IGSF10: variants seen among roughly 807,000 people sequenced by gnomAD.
The protein encoded by IGSF10 is calvaria mechanical force protein 608.
In IGSF10, 126 loss-of-function variants were observed where a neutral mutation model predicts 128.2. That is an observed-to-expected ratio of 0.98 (90% CI 0.85 to 1.14). The LOEUF is 1.14. Among genes scored for constraint, IGSF10 ranks in the 50% most tolerant of loss-of-function variants. The probability of loss-of-function intolerance (pLI) is 0.00; values close to 1 mark genes in which losing one functional copy is unlikely to be tolerated. For missense variants in IGSF10, 3,295 were observed against 3,149.8 expected (o/e 1.05, Z -1.10); for synonymous variants, 1,185 against 1,146.2 (o/e 1.03, Z -0.68).
the IGSF10 span, among the ~76,000 whole-genome samples, chr3:151,609,830 G>T: frequency 6.6e-6 from 1 of 152,096 alleles, no homozygotes; most frequent in Non-Finnish European, 1.5e-5. Context: ...AGATGCTGGG[G>T]ACTGCTGGTG....
the IGSF10 span, among the ~76,000 whole-genome samples, chr3:151,519,682 T>A: frequency 4.6e-5 from 7 of 151,864 alleles, no homozygotes; most frequent in African/African-American, 1.7e-4. Context: ...GTGAAAGGCA[T>A]GCTAAAAAGG....
the IGSF10 span, among the ~76,000 whole-genome samples, chr3:151,597,416 A>G: frequency 1.2e-4 from 18 of 152,342 alleles, no homozygotes; most frequent in South Asian, 6.2e-4. Flanking sequence ...GGAAGCCCAG[A>G]GAGCTGGAGG....
the IGSF10 span, chr3:151,476,268 A>C: frequency 6.6e-6 from 1 of 152,338 alleles, no homozygotes; most frequent in East Asian, 1.9e-4. Context: ...TCCCTTGACG[A>C]TTCCTCACTG....
At position 151,437,216 on chromosome 3, in the gene IGSF10, A is replaced by C; in HGVS notation, c.7345T>G (p.Ser2449Ala). 1 of 1,614,200 alleles carries C rather than the reference A, an allele frequency of 6.2e-7. No individual in the cohort carries two copies. The highest frequency in any genetic ancestry group is 8.5e-7 in the Non-Finnish European group (1 of 1,180,036). ...PGTVKGISGE[S>A]LSLHCVSDGI... ...TCAGACACACAATGCAGTGATAGAG[A>C]TTCTCCACTGATGCCTTTTACTGTC... The change falls in exon 8 of 8, where the codon TCT becomes GCT. Residue 2449 changes from serine to alanine, a missense_variant. Transcript: ENST00000282466.
chr3:151,589,774 T>C, the IGSF10 span, among the ~76,000 whole-genome samples: 1 of 152,190 alleles, frequency 6.6e-6, no homozygotes, highest in Non-Finnish European at 1.5e-5. Flanking sequence ...CAGGGTGATT[T>C]AAATTTCTTA....
the IGSF10 span, among the ~76,000 whole-genome samples, chr3:151,476,465 C>A: frequency 2.0e-5 from 3 of 152,144 alleles, no homozygotes; most frequent in Non-Finnish European, 2.9e-5. Flanking sequence ...CCTAGTCTGA[C>A]GTAACTGCTA....
the IGSF10 span, among the ~76,000 whole-genome samples, chr3:151,509,037 A>C: frequency 2.1e-4 from 32 of 152,326 alleles, no homozygotes; most frequent in East Asian, 7.7e-4. Flanking sequence ...TGAAAACTTC[A>C]CAGCACACAA....
the IGSF10 span, among the ~76,000 whole-genome samples, chr3:151,615,874 A>C: frequency 1.6e-4 from 25 of 152,084 alleles, no homozygotes; most frequent in African/African-American, 5.8e-4. Context: ...GACAACTTGG[A>C]GTTATGTTAA....
In IGSF10 at chr3:151,457,095, T is replaced by C; in HGVS notation, c.255A>G (p.Leu85=). The C allele has an allele frequency of 6.2e-7, 1 of 1,614,094 alleles. No homozygotes were observed. Among genetic ancestry groups the C allele is most frequent in the Non-Finnish European group, 8.5e-7 (1 of 1,179,928 alleles). The change falls in exon 4 of 8, where the codon TTA becomes TTG. Residue 85 remains leucine, a synonymous_variant. Transcript: ENST00000282466. ...TDFSGLTKLE[L]LMLHSNGIHT... ...GAATGCCATTGCTGTGAAGCATGAG[T>C]AACTCCAGTTTGGTCAGGCCAGAAA... is the stretch of plus-strand genomic sequence containing the variant.
chr3:151,545,579 GA>G, the IGSF10 span, among the ~76,000 whole-genome samples: 51 of 152,304 alleles, frequency 3.3e-4, 1 homozygote, highest in Admixed American at 6.5e-4. Flanking sequence ...TTTCCATAGG[GA>G]AAATTGGCTC....
chr3:151,440,714 T>TAG (rs10663807), intron 7 of IGSF10: 316,425 of 452,230 alleles, frequency 0.7, 113,257 homozygotes, highest in Middle Eastern at 0.88. Context: ...ATAATAATGA[T>TAG]GTCTGAGTCT....
the IGSF10 span, among the ~76,000 whole-genome samples, chr3:151,468,703 A>G: frequency 3.3e-5 from 5 of 152,352 alleles, no homozygotes; most frequent in South Asian, 8.3e-4. Flanking sequence ...CCCTAGAAGT[A>G]AAAAGGGTCA....
chr3:151,541,300 A>G, the IGSF10 span, among the ~76,000 whole-genome samples: 1 of 152,190 alleles, frequency 6.6e-6, no homozygotes, highest in Admixed American at 6.5e-5. Flanking sequence ...TGACTTCAAG[A>G]CAGTATATCT....
the IGSF10 span, among the ~76,000 whole-genome samples, chr3:151,509,535 A>G: frequency 1.3e-5 from 2 of 152,344 alleles, no homozygotes; most frequent in East Asian, 3.9e-4. Flanking sequence ...TCCAGTCTAC[A>G]GCTCCCAGCA....
At chr3:151,500,759 T>C in the IGSF10 span, among the ~76,000 whole-genome samples, 1 of 152,244 alleles carries the variant, frequency 6.6e-6, no homozygotes, top group East Asian at 1.9e-4. Flanking sequence ...CCATATCGTC[T>C]TTTCTCTGGT....
At chr3:151,617,359 T>TCC in the IGSF10 span, among the ~76,000 whole-genome samples, 1 of 142,466 alleles carries the variant, frequency 7.0e-6, no homozygotes, top group African/African-American at 2.6e-5. Flanking sequence ...CTCCTCCTCC[T>TCC]TCTCCTTCTT....
the IGSF10 span, among the ~76,000 whole-genome samples, chr3:151,480,806 C>G: frequency 7.9e-5 from 12 of 152,050 alleles, no homozygotes; most frequent in Non-Finnish European, 1.5e-4. Context: ...AGTAATACCC[C>G]ACCCCTGCAG....
At chr3:151,440,204 AT>A (rs1417025522) in intron 7 of IGSF10, among the ~76,000 whole-genome samples, 3 of 151,756 alleles carry the variant, frequency 2.0e-5, no homozygotes, top group African/African-American at 7.3e-5. Flanking sequence ...TAATTTTTTT[AT>A]TTTTTGTAGA....
the IGSF10 span, among the ~76,000 whole-genome samples, chr3:151,475,360 G>A: frequency 6.6e-6 from 1 of 152,192 alleles, no homozygotes; most frequent in African/African-American, 2.4e-5. Flanking sequence ...AAATTGAGAG[G>A]TTAACCAAAA....
Sources: allele counts gnomAD v4.1 joint callset (sites outside exome capture counted in the v4.1 genomes callset), GRCh38; gene constraint gnomAD v4.1.1; transcripts MANE v1.5; gene names NCBI Gene and HGNC (gene_info 2026-07-23, HGNC 2026-07-21).